The following UBTD2 variants were observed in gnomAD, a reference collection of about 807,000 sequenced individuals.
UBTD2 encodes the protein ubiquitin domain-containing protein 2.
UBTD2 carries 9 observed loss-of-function variants against 19.8 expected under a neutral mutation model. The ratio of observed to expected loss-of-function variants is 0.46; its 90% CI spans 0.27 to 0.79. The LOEUF (loss-of-function observed/expected upper bound fraction) is 0.79. Among genes scored for constraint, UBTD2 ranks in the 30% least tolerant of loss-of-function variants. The pLI, the probability that UBTD2 is intolerant of heterozygous loss-of-function variation, is 0.14. For synonymous variants in UBTD2, 98 were observed against 103.9 expected, an observed-to-expected ratio of 0.94 and a Z score of 0.35; for missense variants, 250 against 300.4, an observed-to-expected ratio of 0.83 and a Z score of 1.24.
intron 2 of UBTD2, among the ~76,000 whole-genome samples, chr5:172,216,038 C>T (rs947113943): frequency 1.3e-5 from 2 of 152,008 alleles, no homozygotes; most frequent in South Asian, 2.1e-4. Flanking sequence ...GTGGCAGGCG[C>T]TTGTAATAAT....
chr5:172,234,415 A>T lies in UBTD2; in HGVS notation c.71-57T>A. On this transcript the variant is annotated intron_variant, in intron 1 of 2. Transcript: ENST00000393792. Reference sequence around the variant, plus strand: ...CCCAAAATTTATAAAATATGTATCAAAAGTTATCTGGTCATTCCTCTCTTG... The same window carrying T: ...CCCAAAATTTATAAAATATGTATCATAAGTTATCTGGTCATTCCTCTCTTG... 2.2e-6 allele frequency: 3 copies of T among 1,393,010 alleles called. No individual in the cohort carries two copies. In the South Asian group the frequency reaches 3.5e-5, roughly 16 times the overall value. 86.3% of individuals were successfully genotyped at this position (1,393,010 alleles called of 1,614,324 possible).
chr5:172,282,168 A>C (rs528726645), intron 1 of UBTD2, among the ~76,000 whole-genome samples: 24 of 152,378 alleles, frequency 1.6e-4, no homozygotes, highest in African/African-American at 5.8e-4. Context: ...ATCATTAATG[A>C]TCAACACAAT....
intron 2 of UBTD2, among the ~76,000 whole-genome samples, chr5:172,214,909 G>A (rs536730220): frequency 6.5e-4 from 99 of 152,280 alleles, no homozygotes; most frequent in African/African-American, 2.1e-3. Context: ...GTAAAAGGCT[G>A]AGCAAACTGA....
At chr5:172,273,283 C>A (rs1177767136) in intron 1 of UBTD2, among the ~76,000 whole-genome samples, 1 of 127,284 alleles carries the variant, frequency 7.9e-6, no homozygotes, top group Non-Finnish European at 1.7e-5. Flanking sequence ...ATGCCCACTG[C>A]AAGATTCTTT....
intron 2 of UBTD2, among the ~76,000 whole-genome samples, chr5:172,232,576 T>G (rs1200874918): frequency 6.6e-6 from 1 of 152,022 alleles, no homozygotes; most frequent in Non-Finnish European, 1.5e-5. Context: ...TTAAGTATCT[T>G]TTGGACAGGC....
At chr5:172,260,007 C>T (rs940042377) in intron 1 of UBTD2, among the ~76,000 whole-genome samples, 1 of 152,062 alleles carries the variant, frequency 6.6e-6, no homozygotes, top group African/African-American at 2.4e-5. Context: ...GAGCCAAGAT[C>T]GTGCCACTGC....
chr5:172,280,477 C>T (rs1026050895), intron 1 of UBTD2, among the ~76,000 whole-genome samples: 1 of 145,210 alleles, frequency 6.9e-6, no homozygotes, highest in Admixed American at 7.1e-5. Flanking sequence ...GCCACTGTAC[C>T]GCAGCCTGGG....
intron 1 of UBTD2, among the ~76,000 whole-genome samples, chr5:172,238,423 A>T (rs1772054812): frequency 1.3e-5 from 2 of 152,200 alleles, no homozygotes; most frequent in Non-Finnish European, 2.9e-5. Flanking sequence ...ATCTAATCTT[A>T]AAAAACCACA....
intron 1 of UBTD2, among the ~76,000 whole-genome samples, chr5:172,280,594 G>A (rs1755693056): frequency 6.6e-6 from 1 of 151,124 alleles, no homozygotes; most frequent in Admixed American, 6.6e-5. Context: ...CAAGGCTGCA[G>A]TAATCTATGA....
chr5:172,244,458 G>A (rs1014958927), intron 1 of UBTD2, among the ~76,000 whole-genome samples: 12 of 151,598 alleles, frequency 7.9e-5, no homozygotes, highest in African/African-American at 2.2e-4. Flanking sequence ...CACCACGCCC[G>A]GCTAATTTTT....
intron 2 of UBTD2, among the ~76,000 whole-genome samples, chr5:172,228,665 G>A (rs1771826674): frequency 6.6e-6 from 1 of 151,808 alleles, no homozygotes; most frequent in Non-Finnish European, 1.5e-5. Context: ...AGGTTGCAGT[G>A]AGCTAAGATC....
intron 1 of UBTD2, among the ~76,000 whole-genome samples, chr5:172,237,227 G>C (rs1419269118): frequency 6.6e-6 from 1 of 152,240 alleles, no homozygotes; most frequent in East Asian, 1.9e-4. Context: ...TCGAGTAGCT[G>C]GGACTACAGG....
intron 1 of UBTD2, among the ~76,000 whole-genome samples, chr5:172,252,773 G>A (rs1755054861): frequency 1.3e-5 from 2 of 152,092 alleles, no homozygotes; most frequent in South Asian, 4.1e-4. Context: ...GGTTTTTGCA[G>A]TCAAAGCCCT....
At chr5:172,257,564 G>A (rs1231418552) in intron 1 of UBTD2, among the ~76,000 whole-genome samples, 1 of 152,196 alleles carries the variant, frequency 6.6e-6, no homozygotes, top group East Asian at 1.9e-4. Context: ...CCTCCAAACT[G>A]CTTCCCATAG....
At chr5:172,254,242 G>GGC (rs1190760221) in intron 1 of UBTD2, among the ~76,000 whole-genome samples, 5 of 152,156 alleles carry the variant, frequency 3.3e-5, no homozygotes, top group Non-Finnish European at 7.4e-5. Flanking sequence ...TGGGATTACA[G>GGC]GTATCCGCCA....
chr5:172,221,709 T>G (rs1346183574), intron 2 of UBTD2, among the ~76,000 whole-genome samples: 2 of 152,154 alleles, frequency 1.3e-5, no homozygotes, highest in East Asian at 3.8e-4. Flanking sequence ...GAGGCAGGGA[T>G]GAATAGGTAG....
rs186854632 is a variant in UBTD2 at position 172,256,978 on chromosome 5, C to A, written c.71-22620G>T. 8.4e-3 allele frequency among the ~76,000 whole-genome samples: 1,282 copies of A among 152,148 alleles called. 7 individuals are homozygous for A. Among genetic ancestry groups the A allele is most frequent in the South Asian group, 0.026 (127 of 4,818 alleles). ...TAACTTTCTTCCTTCTTGATGAATT[C>A]TTTTTTTTCTTCTTCTTCCAACTTT... On this transcript the variant is annotated intron_variant, in intron 1 of 2. Transcript: ENST00000393792.
At chr5:172,265,027 C>T (rs1326877583) in intron 1 of UBTD2, among the ~76,000 whole-genome samples, 1 of 152,216 alleles carries the variant, frequency 6.6e-6, no homozygotes, top group African/African-American at 2.4e-5. Flanking sequence ...CAGATCAGCC[C>T]AAGGGCAACC....
chr5:172,236,678 T>A (rs1483913821), intron 1 of UBTD2, among the ~76,000 whole-genome samples: 1 of 152,200 alleles, frequency 6.6e-6, no homozygotes, highest in African/African-American at 2.4e-5. Flanking sequence ...GTAGACTCAG[T>A]AAGATATTTA....
Sources: allele counts gnomAD v4.1 joint callset (sites outside exome capture counted in the v4.1 genomes callset), GRCh38; gene constraint gnomAD v4.1.1; transcripts MANE v1.5; gene names NCBI Gene and HGNC (gene_info 2026-07-23, HGNC 2026-07-21).